Variants in HS3ST4 observed in about 807,000 individuals in gnomAD.
HS3ST4 encodes heparan sulfate-glucosamine 3-sulfotransferase 4.
In HS3ST4, 17 loss-of-function variants were observed where a neutral mutation model predicts 29.2. That is an observed-to-expected ratio of 0.58 (90% CI 0.40 to 0.87). The LOEUF (loss-of-function observed/expected upper bound fraction) is 0.87, where lower values mean the gene tolerates loss of function less well. Ranked by LOEUF, HS3ST4 falls within the 40% of genes least tolerant of loss-of-function variation. HS3ST4 has a pLI of 0.00. For synonymous variants in HS3ST4, 314 were observed against 285.7 expected (o/e 1.10, Z -1.00); for missense variants, 627 against 634.5 (o/e 0.99, Z 0.13).
intron 1 of HS3ST4, among the ~76,000 whole-genome samples, chr16:25,998,352 A>C (rs1969175158): frequency 6.6e-6 from 1 of 152,192 alleles, no homozygotes; most frequent in Non-Finnish European, 1.5e-5. Flanking sequence ...TAGTGCAGAG[A>C]GAGATTATCA....
chr16:25,898,576 G>A (rs564698103), intron 1 of HS3ST4, among the ~76,000 whole-genome samples: 1 of 152,188 alleles, frequency 6.6e-6, no homozygotes, highest in Non-Finnish European at 1.5e-5. Flanking sequence ...ACTCACTTTG[G>A]GAAATATTTA....
chr16:25,927,784 C>T (rs907464852), intron 1 of HS3ST4, among the ~76,000 whole-genome samples: 1 of 151,810 alleles, frequency 6.6e-6, no homozygotes, highest in African/African-American at 2.4e-5. Flanking sequence ...TTTCTCCATT[C>T]ATCCATCAAT....
intron 1 of HS3ST4, among the ~76,000 whole-genome samples, chr16:25,857,328 G>C (rs1967583135): frequency 6.6e-6 from 1 of 152,128 alleles, no homozygotes; most frequent in Non-Finnish European, 1.5e-5. Flanking sequence ...TCAGCTCTCT[G>C]AAGGATCTAA....
chr16:26,134,999 ATAT>A (rs1287368400), intron 1 of HS3ST4, among the ~76,000 whole-genome samples: 2 of 152,126 alleles, frequency 1.3e-5, no homozygotes, highest in Non-Finnish European at 2.9e-5. Context: ...GCATCACAAA[ATAT>A]TATTATTATC....
chr16:25,962,360 G>C (rs1208632059), intron 1 of HS3ST4, among the ~76,000 whole-genome samples: 2 of 152,234 alleles, frequency 1.3e-5, no homozygotes, highest in African/African-American at 4.8e-5. Flanking sequence ...TGGAGCTAGA[G>C]AGACCTGAGT....
intron 1 of HS3ST4, among the ~76,000 whole-genome samples, chr16:25,767,923 C>T (rs977410138): frequency 2.6e-5 from 4 of 152,198 alleles, no homozygotes; most frequent in African/African-American, 9.6e-5. Context: ...TGCTGTGTCC[C>T]TGGCACTGTG....
chr16:25,887,677 G>A (rs973324804), intron 1 of HS3ST4, among the ~76,000 whole-genome samples: 7 of 148,814 alleles, frequency 4.7e-5, no homozygotes, highest in Non-Finnish European at 7.4e-5. Context: ...CATCCCTAGC[G>A]CCCGCTACAC....
intron 1 of HS3ST4, among the ~76,000 whole-genome samples, chr16:25,759,405 G>A (rs1232297418): frequency 2.0e-5 from 3 of 152,202 alleles, no homozygotes; most frequent in Non-Finnish European, 4.4e-5. Context: ...AGAAAACAGC[G>A]TTTCTGCCTT....
intron 1 of HS3ST4, among the ~76,000 whole-genome samples, chr16:26,075,643 A>C (rs1898653124): frequency 6.6e-6 from 1 of 152,178 alleles, no homozygotes; most frequent in Non-Finnish European, 1.5e-5. Flanking sequence ...ACAGGGAATA[A>C]TTATACCATG....
At chr16:25,918,358 T>C (rs537484471) in intron 1 of HS3ST4, among the ~76,000 whole-genome samples, 3 of 152,304 alleles carry the variant, frequency 2.0e-5, no homozygotes, top group Non-Finnish European at 4.4e-5. Context: ...ATTGATTGTA[T>C]AATTCATGTG....
At chr16:26,014,874 T>A (rs1567293985) in intron 1 of HS3ST4, among the ~76,000 whole-genome samples, 1 of 152,170 alleles carries the variant, frequency 6.6e-6, no homozygotes, top group Non-Finnish European at 1.5e-5. Flanking sequence ...TTTGAACTCA[T>A]GATTGAGAGG....
intron 1 of HS3ST4, among the ~76,000 whole-genome samples, chr16:25,914,184 TGTGTGTGTGGA>T (rs1366902123): frequency 6.8e-6 from 1 of 147,558 alleles, no homozygotes; most frequent in Non-Finnish European, 1.5e-5. Context: ...GAGGGTATGG[TGTGTGTGTGGA>T]GTGTGTGTGT....
intron 1 of HS3ST4, among the ~76,000 whole-genome samples, chr16:25,849,522 CAG>C (rs963304354): frequency 3.3e-5 from 5 of 152,192 alleles, no homozygotes; most frequent in African/African-American, 7.2e-5. Flanking sequence ...ATTTTTCAGA[CAG>C]GGGCTCGGTC....
chr16:25,971,546 C>T (rs1273666808), intron 1 of HS3ST4, among the ~76,000 whole-genome samples: 1 of 152,130 alleles, frequency 6.6e-6, no homozygotes, highest in African/African-American at 2.4e-5. Context: ...AGCAATAGAC[C>T]CCTTCAGTGA....
intron 1 of HS3ST4, among the ~76,000 whole-genome samples, chr16:26,067,395 G>A (rs61616349): frequency 0.017 from 2,631 of 152,118 alleles, 81 homozygotes; most frequent in African/African-American, 0.061. Flanking sequence ...CATGTCCCAA[G>A]GGAGACATGA....
chr16:26,064,435 C>G (rs1027384608), intron 1 of HS3ST4, among the ~76,000 whole-genome samples: 1 of 151,994 alleles, frequency 6.6e-6, no homozygotes, highest in Non-Finnish European at 1.5e-5. Context: ...CGTGCAGAAG[C>G]CACAGTGAAG....
intron 1 of HS3ST4, among the ~76,000 whole-genome samples, chr16:26,067,485 A>G (rs1397859479): frequency 1.3e-5 from 2 of 152,108 alleles, no homozygotes; most frequent in Non-Finnish European, 2.9e-5. Context: ...TGTGACCCTA[A>G]GTATAGCATT....
At chr16:25,794,389 T>C (rs532001990) in intron 1 of HS3ST4, among the ~76,000 whole-genome samples, 1 of 152,258 alleles carries the variant, frequency 6.6e-6, no homozygotes, top group African/African-American at 2.4e-5. Context: ...CCTGTAGAAT[T>C]CTCTACAGTA....
chr16:26,080,070 C>T (rs1164029774), intron 1 of HS3ST4, among the ~76,000 whole-genome samples: 1 of 152,080 alleles, frequency 6.6e-6, no homozygotes, highest in Non-Finnish European at 1.5e-5. Flanking sequence ...GAAATTTGAA[C>T]TTATCTGTCT....
Sources: allele counts gnomAD v4.1 joint callset (sites outside exome capture counted in the v4.1 genomes callset), GRCh38; gene constraint gnomAD v4.1.1; transcripts MANE v1.5; gene names NCBI Gene and HGNC (gene_info 2026-07-23, HGNC 2026-07-21).